SLC24A5: variants seen among roughly 807,000 people sequenced by gnomAD.
SLC24A5 encodes the protein solute carrier family 24 member 5, also known as sodium/potassium/calcium exchanger 5.
SLC24A5 carries 46 observed loss-of-function variants against 51.6 expected under a neutral mutation model. That is an observed-to-expected ratio of 0.89 (90% CI 0.70 to 1.14). SLC24A5 has a LOEUF of 1.14. SLC24A5 is among the 50% of genes most tolerant of loss of function. The pLI is 0.00. For missense variants in SLC24A5, 581 were observed against 604.1 expected, an observed-to-expected ratio of 0.96 and a Z score of 0.40; for synonymous variants, 230 against 214.9, an observed-to-expected ratio of 1.07 and a Z score of -0.62.
intron 2 of SLC24A5, among the ~76,000 whole-genome samples, chr15:48,128,831 C>A (rs775446904): frequency 6.6e-6 from 1 of 152,096 alleles, no homozygotes; most frequent in East Asian, 1.9e-4. Context: ...TATTTTACCA[C>A]GATGCTATTG....
At chr15:48,135,075 CACTT>C in intron 5 of SLC24A5, 91 bp downstream of exon 5, 1 of 938,704 alleles carries the variant, frequency 1.1e-6, no homozygotes. Flanking sequence ...TTATTTCAGT[CACTT>C]AATCTGCCAC....
At chr15:48,134,787 ATT>A in intron 4 of SLC24A5, 95 bp from the exon 5 acceptor site, 5 of 993,418 alleles carry the variant, frequency 5.0e-6, no homozygotes, top group Non-Finnish European at 7.4e-6. Context: ...AGATAACAAT[ATT>A]TAACTACAAA....
At chr15:48,121,403 A>C (rs555346260) in intron 1 of SLC24A5, among the ~76,000 whole-genome samples, 1 of 152,314 alleles carries the variant, frequency 6.6e-6, no homozygotes, top group Non-Finnish European at 1.5e-5. Context: ...TTGTTCTTGG[A>C]GACTTTTTGG....
chr15:48,132,187 C>G (rs1236101874), intron 2 of SLC24A5, among the ~76,000 whole-genome samples: 1 of 152,132 alleles, frequency 6.6e-6, no homozygotes, highest in African/African-American at 2.4e-5. Context: ...ACCTCAATAC[C>G]TTTGCAGTCA....
In SLC24A5 at chr15:48,142,300, A is replaced by G. The variant is rs753430443; in HGVS notation, c.1452A>G (p.Leu484=). The G allele has an allele frequency of 6.2e-7, 1 of 1,612,130 alleles. No individual in the cohort carries two copies. Among genetic ancestry groups the G allele is most frequent in the Admixed American group, 1.7e-5 (1 of 59,800 alleles). The change falls in exon 9 of 9, where the codon CTA becomes CTG. Residue 484 remains leucine, a synonymous_variant. Transcript: ENST00000341459. ...SYLGLATLSV[L]YELGIIGNNK... is the part of the protein sequence containing the mutation. ...TGGGGCTTGCTACATTATCAGTTCT[A>G]TATGAACTTGGAATTATTGGAAATA...
Position 48,142,217 on chromosome 15 carries a change from C to G in SLC24A5, c.1369C>G (p.His457Asp), listed in dbSNP as rs777444896. Residue 457 changes from histidine to aspartate, a missense_variant, in exon 9 of 9, where the codon CAC (histidine) becomes GAC (aspartate). Transcript: ENST00000341459. Reference sequence around the variant, plus strand: ...AATTATTTTTCTTTTTTTAGCAGTTCACTTCAATGGCTGGAAACTAGACAG... The same window carrying G: ...AATTATTTTTCTTTTTTTAGCAGTTGACTTCAATGGCTGGAAACTAGACAG... ...ISIIFLFLAV[H>D]FNGWKLDRKL... is the part of the protein sequence containing the mutation. 1.2e-6 allele frequency: 2 copies of G among 1,613,722 alleles called. No individual in the cohort carries two copies. Among genetic ancestry groups the G allele is most frequent in the Admixed American group, 3.3e-5 (2 of 60,014 alleles).
At position 48,134,909 on chromosome 15, in the gene SLC24A5, T is replaced by C. The variant is rs2038859042; in HGVS notation, c.515T>C (p.Leu172Pro). Residue 172 changes from leucine (L) to proline (P), a missense_variant, in exon 5 of 9, where the codon CTA becomes CCA. Physicochemically the swap from Leu to Pro is moderately conservative, Grantham distance 98. Transcript: ENST00000341459. ...NTVSTLSCWP[L>P]FRDCAAYTIS... The stretch of plus-strand genomic sequence containing the variant: ...GTCTCAACACTATCATGTTGGCCCC[T>C]ATTCAGAGACTGTGCAGCGTACACA... 6.2e-7 allele frequency: 1 copy of C among 1,611,938 alleles called. No homozygotes were observed. Among genetic ancestry groups the C allele is most frequent in the Non-Finnish European group, 8.5e-7 (1 of 1,178,742 alleles).
At position 48,139,124 on chromosome 15, in the gene SLC24A5, A is replaced by G. The variant is rs748431719; in HGVS notation, c.1027A>G (p.Ile343Val). The change falls in exon 7 of 9, where the codon ATA becomes GTA. Residue 343 changes from isoleucine to valine, a missense_variant. Physicochemically the swap from Ile to Val is conservative, Grantham distance 29. Transcript: ENST00000341459. The stretch of plus-strand genomic sequence containing the variant: ...TGTGATAACCTTTTTCATGTCTGCA[A>G]TATGGATATCCGCATTTACATATAT... The part of the protein sequence containing the change: ...YFVITFFMSA[I>V]WISAFTYILV... The G allele has an allele frequency of 1.9e-6, 3 of 1,613,130 alleles. No individual in the cohort carries two copies. The South Asian group carries it at 3.3e-5, about 18-fold the overall frequency.
rs1010973161 is a variant in SLC24A5, at chr15:48,129,772, T to C, written c.302-4486T>C. Among the ~76,000 whole-genome samples the C allele has an allele frequency of 3.3e-5, 5 of 151,688 alleles. No individual in the cohort carries two copies. In the East Asian group the frequency reaches 7.8e-4, roughly 24 times the overall value. On this transcript the variant is annotated intron_variant, in intron 2 of 8. Coordinates refer to ENST00000341459, the MANE Select transcript of SLC24A5 (RefSeq NM_205850.3). Reference sequence around the variant, plus strand: ...ATTAAAAATAAAAAGTGGTGTAGAGTCTTAAAGCATAGAATTCACATTCTA... The same window carrying C: ...ATTAAAAATAAAAAGTGGTGTAGAGCCTTAAAGCATAGAATTCACATTCTA...
chr15:48,142,038 A>G lies in SLC24A5; in HGVS notation c.1190A>G (p.Asp397Gly), dbSNP rs1180047061. 6.2e-7 allele frequency: 1 copy of G among 1,608,496 alleles called. No individual in the cohort carries two copies. Among genetic ancestry groups the G allele is most frequent in the Non-Finnish European group, 8.5e-7 (1 of 1,176,448 alleles). The change falls in exon 9 of 9, where the codon GAT becomes GGT. Residue 397 changes from aspartate to glycine, a missense_variant. Asp to Gly is a moderately conservative substitution (Grantham distance 94). Coordinates refer to ENST00000341459, the MANE Select transcript of SLC24A5 (RefSeq NM_205850.3). ...TGCTTTTCTTTTGTAGGGAAAGGAG[A>G]TATGGCTATGTCTAACATCGTGGGA... Reference protein sequence around the residue: ...SVLVARKGKGDMAMSNIVGSN... With the variant: ...SVLVARKGKGGMAMSNIVGSN...
At chr15:48,135,875 A>C (rs1162666475) in intron 5 of SLC24A5, 1 of 152,110 alleles carries the variant, frequency 6.6e-6, no homozygotes, top group African/African-American at 2.4e-5. Context: ...TAGAATAGAA[A>C]TCCTTCTAGA....
chr15:48,134,397 A>C (rs750209316), intron 3 of SLC24A5, 38 bp from the exon 4 acceptor site: 2 of 1,609,410 alleles, frequency 1.2e-6, no homozygotes, highest in East Asian at 4.5e-5. Context: ...ATTTTCTTCA[A>C]GTTAACACTA....
chr15:48,127,676 G>C (rs929446512), intron 2 of SLC24A5, among the ~76,000 whole-genome samples: 6 of 152,068 alleles, frequency 3.9e-5, no homozygotes, highest in Non-Finnish European at 7.4e-5. Flanking sequence ...ATATTAGCCA[G>C]TCGTGGTGGC....
intron 8 of SLC24A5, 43 bp downstream of exon 8, chr15:48,141,257 G>C: frequency 1.4e-6 from 2 of 1,416,016 alleles, no homozygotes; most frequent in Non-Finnish European, 2.0e-6. Flanking sequence ...ATTCTACAAG[G>C]CTAGAATGAG....
intron 2 of SLC24A5, among the ~76,000 whole-genome samples, chr15:48,128,256 G>T (rs866940303): frequency 1.3e-5 from 2 of 151,844 alleles, no homozygotes; most frequent in Non-Finnish European, 2.9e-5. Flanking sequence ...ATTCCACAGT[G>T]AGCCAGCTAT....
intron 2 of SLC24A5, among the ~76,000 whole-genome samples, chr15:48,126,537 G>T (rs1347415241): frequency 6.6e-6 from 1 of 152,194 alleles, no homozygotes. Context: ...TCTGGGAAAA[G>T]AGTTAAAGAT....
In SLC24A5 at chr15:48,136,720, T is replaced by C; in HGVS notation, c.628T>C (p.Tyr210His). The stretch of plus-strand genomic sequence containing the variant: ...TTTACTGCTTTTGATATATGGATTG[T>C]ATGTTTTGGTGCTGTGTTTTGACAT... ...GALLLLIYGL[Y>H]VLVLCFDIKI... The change falls in exon 6 of 9, where the codon TAT (tyrosine) becomes CAT (histidine). Residue 210 changes from tyrosine to histidine, a missense_variant. By Grantham distance (83) the Tyr-to-His change is moderately conservative. Transcript: ENST00000341459. The C allele has an allele frequency of 1.2e-6, 2 of 1,613,228 alleles. No homozygotes were observed. The highest frequency in any genetic ancestry group is 1.7e-6 in the Non-Finnish European group (2 of 1,179,618).
chr15:48,123,558 C>T (rs1567220012), intron 2 of SLC24A5: 1 of 152,102 alleles, frequency 6.6e-6, no homozygotes, highest in Non-Finnish European at 1.5e-5. Context: ...GAGCGTCTGA[C>T]ACTGGTTTTT....
chr15:48,141,257 G>A (rs762714682), intron 8 of SLC24A5, 43 bp downstream of exon 8: 12 of 1,416,016 alleles, frequency 8.5e-6, no homozygotes, highest in Middle Eastern at 1.8e-4. Context: ...ATTCTACAAG[G>A]CTAGAATGAG....
Sources: allele counts gnomAD v4.1 joint callset (sites outside exome capture counted in the v4.1 genomes callset), GRCh38; gene constraint gnomAD v4.1.1; transcripts MANE v1.5; gene names NCBI Gene and HGNC (gene_info 2026-07-23, HGNC 2026-07-21).